POF1B: variants seen among roughly 807,000 people sequenced by gnomAD.
The protein encoded by POF1B is POF1B actin binding protein.
In POF1B, 53 loss-of-function variants were observed where a neutral mutation model predicts 55.3. The observed-to-expected ratio is 0.96, with a 90% confidence interval of 0.77 to 1.20. The LOEUF (loss-of-function observed/expected upper bound fraction) is 1.20, where lower values mean the gene tolerates loss of function less well. POF1B is among the 50% of genes most tolerant of loss of function. POF1B has a pLI of 0.00. For missense variants in POF1B, 478 were observed against 420.5 expected (o/e 1.14, Z -1.20); for synonymous variants, 188 against 148.3 (o/e 1.27, Z -1.95).
intron 6 of POF1B, among the ~76,000 whole-genome samples, chrX:85,343,666 A>T (rs1481903366): frequency 9.0e-6 from 1 of 111,094 alleles, no homozygotes; most frequent in Non-Finnish European, 1.9e-5. Flanking sequence ...TTGCTGAGAG[A>T]TTTTGTATTA....
intron 15 of POF1B, among the ~76,000 whole-genome samples, chrX:85,292,784 A>G (rs1367442214): frequency 9.0e-6 from 1 of 110,936 alleles, no homozygotes; most frequent in East Asian, 2.8e-4. Context: ...GCATCTGACA[A>G]AGGTCTAATA....
In POF1B at chrX:85,349,805, C is replaced by A. The variant is rs184449441; in HGVS notation, c.540+1545G>T. 4.3e-3 allele frequency among the ~76,000 whole-genome samples: 481 copies of A among 111,058 alleles called. 3 individuals are homozygous for A. Among genetic ancestry groups the A allele is most frequent in the African/African-American group, 0.015 (457 of 30,648 alleles). ...TCCAGAACTGTGAGACAATAAATTT[C>A]TGTTGTTTTAAACCATACAGTCTGT... On this transcript the variant is annotated intron_variant, in intron 5 of 16. Transcript: ENST00000262753.
At position 85,313,980 on chromosome X, in the gene POF1B, C is replaced by T. The variant is rs547908101; in HGVS notation, c.957+452G>A. On this transcript the variant is annotated intron_variant, in intron 9 of 16. Coordinates refer to ENST00000262753, the MANE Select transcript of POF1B (RefSeq NM_024921.4). ...TCTTCTAGTTTTTCTGGTTTATTTG[C>T]GTAGATGTGTTTATAGTATTCTCTG... Among the ~76,000 whole-genome samples, 15 of 110,587 alleles carry T rather than the reference C, an allele frequency of 1.4e-4. No homozygotes were observed. In the East Asian group the frequency reaches 2.0e-3, roughly 15 times the overall value.
intron 3 of POF1B, among the ~76,000 whole-genome samples, chrX:85,366,252 G>T (rs914826018): frequency 9.0e-6 from 1 of 111,065 alleles, no homozygotes; most frequent in African/African-American, 3.3e-5. Context: ...GCTGGAATAT[G>T]TAGCCATTAA....
intron 9 of POF1B, among the ~76,000 whole-genome samples, chrX:85,310,400 A>G (rs1932669892): frequency 8.9e-6 from 1 of 112,214 alleles, no homozygotes; most frequent in African/African-American, 3.2e-5. Flanking sequence ...AAATTTTAGA[A>G]CTGAAAAGGA....
intron 11 of POF1B, among the ~76,000 whole-genome samples, 182 bp downstream of exon 11, chrX:85,306,981 C>T (rs1203538044): frequency 8.9e-6 from 1 of 111,841 alleles, no homozygotes; most frequent in Admixed American, 9.5e-5. Flanking sequence ...ATAAGATTAT[C>T]TGTTTTTCTG....
At chrX:85,282,676 C>A (rs1931931420) in intron 15 of POF1B, among the ~76,000 whole-genome samples, 1 of 110,348 alleles carries the variant, frequency 9.1e-6, no homozygotes, top group Non-Finnish European at 1.9e-5. Context: ...CTAAACAGAT[C>A]CCAGCAGTCT....
intron 4 of POF1B, among the ~76,000 whole-genome samples, chrX:85,357,893 C>G (rs1295917006): frequency 3.6e-5 from 4 of 110,876 alleles, no homozygotes; most frequent in African/African-American, 1.3e-4. Context: ...ACCTAAAATG[C>G]TACTGGTTCA....
At chrX:85,336,618 T>A (rs888945340) in intron 6 of POF1B, among the ~76,000 whole-genome samples, 2 of 111,451 alleles carry the variant, frequency 1.8e-5, no homozygotes, top group Non-Finnish European at 3.8e-5. Flanking sequence ...TATTGAGAAA[T>A]CTCTACTCAG....
At chrX:85,360,552 T>C (rs1475966586) in intron 3 of POF1B, among the ~76,000 whole-genome samples, 1 of 85,566 alleles carries the variant, frequency 1.2e-5, no homozygotes, top group African/African-American at 6.8e-5. Flanking sequence ...TATATATATA[T>C]ATATATACAT....
In POF1B at chrX:85,351,349, C is replaced by A. The variant is rs980366390; in HGVS notation, c.540+1G>T. 18 of 1,138,544 alleles carry A rather than the reference C, an allele frequency of 1.6e-5. No individual in the cohort carries two copies. The highest frequency in any genetic ancestry group is 2.1e-5 in the Non-Finnish European group (18 of 840,829). The allele number at this position is 1,138,544 out of a possible 1,213,427, so 93.8% of individuals were successfully genotyped here. A position where few individuals can be genotyped will look rare whatever the true frequency, so the allele number is the denominator to read the frequency against. ...AAGTTTTAAAACAAAATATTACTTA[C>A]CTGATCAGTATTTAGCTTCTCCACT... On this transcript the variant is annotated splice_donor_variant, in intron 5 of 16. Coordinates refer to ENST00000262753, the MANE Select transcript of POF1B (RefSeq NM_024921.4). LOFTEE classifies it high-confidence loss of function.
At chrX:85,371,575 T>C (rs1008398902) in intron 2 of POF1B, among the ~76,000 whole-genome samples, 6 of 111,451 alleles carry the variant, frequency 5.4e-5, no homozygotes, top group Non-Finnish European at 9.4e-5. Flanking sequence ...ATGCTCTTAA[T>C]CACCATATTT....
At chrX:85,345,804 A>G in intron 6 of POF1B, 56 bp downstream of exon 6, 1 of 1,028,134 alleles carries the variant, frequency 9.7e-7, no homozygotes, top group Admixed American at 2.6e-5. Context: ...TAGTGGTATG[A>G]GAAGAGTTCA....
chrX:85,295,806 T>C (rs769656271), intron 15 of POF1B, among the ~76,000 whole-genome samples: 1 of 112,045 alleles, frequency 8.9e-6, no homozygotes, highest in East Asian at 2.8e-4. Flanking sequence ...CTCTCTTATG[T>C]TGTCAGTGGG....
At chrX:85,341,405 T>TA (rs959814392) in intron 6 of POF1B, among the ~76,000 whole-genome samples, 3 of 110,919 alleles carry the variant, frequency 2.7e-5, no homozygotes, top group Admixed American at 1.9e-4. Flanking sequence ...TTACTTTAAC[T>TA]AAAAAAACTA....
rs773751299 is a variant in POF1B at position 85,304,382 on chromosome X, C to T, written c.1527G>A (p.Leu509=). Reference sequence around the variant, plus strand: ...TTATGAGGGAATCCTTCTCTTCCAGCAAGCTTGTCAGTTCATGAAGCTTAA... The same window carrying T: ...TTATGAGGGAATCCTTCTCTTCCAGTAAGCTTGTCAGTTCATGAAGCTTAA... The part of the protein sequence containing the change: ...FQFKLHELTS[L]LEEKDSLIKR... The change falls in exon 14 of 17, where the codon TTG becomes TTA. Residue 509 remains leucine (L), a synonymous_variant. Transcript: ENST00000262753. The T allele has an allele frequency of 3.0e-5, 36 of 1,190,890 alleles. No individual in the cohort carries two copies. The Admixed American group carries it at 8.1e-4, about 27-fold the overall frequency.
chrX:85,328,033 G>A (rs1171340874), intron 7 of POF1B, among the ~76,000 whole-genome samples: 2 of 110,718 alleles, frequency 1.8e-5, no homozygotes, highest in Non-Finnish European at 3.8e-5. Flanking sequence ...TGGAGAACGT[G>A]GAAACAAAGA....
At chrX:85,312,660 T>A (rs1456933742) in intron 9 of POF1B, among the ~76,000 whole-genome samples, 2 of 111,534 alleles carry the variant, frequency 1.8e-5, no homozygotes, top group Non-Finnish European at 3.8e-5. Flanking sequence ...ATATATGGGC[T>A]CTTTTTTTGG....
chrX:85,311,181 T>A (rs183404063), intron 9 of POF1B, among the ~76,000 whole-genome samples: 3 of 111,660 alleles, frequency 2.7e-5, no homozygotes, highest in Non-Finnish European at 5.7e-5. Flanking sequence ...GTAAATACAA[T>A]AAGTTTTCCT....
Sources: allele counts gnomAD v4.1 joint callset (sites outside exome capture counted in the v4.1 genomes callset), GRCh38; gene constraint gnomAD v4.1.1; transcripts MANE v1.5; gene names NCBI Gene and HGNC (gene_info 2026-07-23, HGNC 2026-07-21).